NEK1: variants seen among roughly 807,000 people sequenced by gnomAD.
The protein encoded by NEK1 is NIMA related kinase 1.
A neutral mutation model predicts 182.1 loss-of-function variants in NEK1; 137 were observed. The observed-to-expected ratio is 0.75, with a 90% CI of 0.65 to 0.87. The LOEUF is 0.87. Among genes scored for constraint, NEK1 ranks in the 40% least tolerant of loss-of-function variants. NEK1 has a pLI of 0.00. For synonymous variants in NEK1, 513 were observed against 492.2 expected, an observed-to-expected ratio of 1.04 and a Z score of -0.56; for missense variants, 1,391 against 1,494.4, an observed-to-expected ratio of 0.93 and a Z score of 1.14.
At chr4:169,423,664 T>C (rs1191727499) in intron 31 of NEK1, among the ~76,000 whole-genome samples, 1 of 152,196 alleles carries the variant, frequency 6.6e-6, no homozygotes, top group Non-Finnish European at 1.5e-5. Flanking sequence ...TCAGGCAGTA[T>C]ACAATATAAC....
At chr4:169,590,001 G>A (rs897028571) in intron 6 of NEK1, among the ~76,000 whole-genome samples, 4 of 152,016 alleles carry the variant, frequency 2.6e-5, no homozygotes, top group African/African-American at 9.7e-5. Context: ...AAACCAAATA[G>A]TATGACTTAG....
chr4:169,471,729 GC>G (rs911364900), intron 26 of NEK1, among the ~76,000 whole-genome samples: 1 of 152,164 alleles, frequency 6.6e-6, no homozygotes, highest in Non-Finnish European at 1.5e-5. Flanking sequence ...GCCCACAGCT[GC>G]CCCTTCCCCC....
intron 18 of NEK1, among the ~76,000 whole-genome samples, chr4:169,539,451 T>C (rs976226411): frequency 5.9e-5 from 9 of 152,172 alleles, no homozygotes; most frequent in African/African-American, 2.4e-5. Context: ...CTGGTCAGAA[T>C]GCAACTTATT....
At chr4:169,545,516 T>C (rs1056379537) in intron 18 of NEK1, among the ~76,000 whole-genome samples, 3 of 150,142 alleles carry the variant, frequency 2.0e-5, no homozygotes, top group South Asian at 4.3e-4. Flanking sequence ...AACATATGTG[T>C]GCATGTGTCT....
chr4:169,499,690 C>T (rs1404183374), intron 23 of NEK1, among the ~76,000 whole-genome samples: 2 of 152,216 alleles, frequency 1.3e-5, no homozygotes, highest in Admixed American at 6.5e-5. Context: ...GCCTGGGTAT[C>T]AGCAGCGGAG....
chr4:169,500,737 T>C (rs1399448943), intron 23 of NEK1, among the ~76,000 whole-genome samples: 3 of 152,186 alleles, frequency 2.0e-5, no homozygotes, highest in Admixed American at 6.5e-5. Flanking sequence ...CACCAGCAGA[T>C]AGGCCCCACA....
intron 23 of NEK1, among the ~76,000 whole-genome samples, chr4:169,505,601 G>A (rs1017845290): frequency 2.0e-5 from 3 of 152,180 alleles, no homozygotes; most frequent in Non-Finnish European, 2.9e-5. Flanking sequence ...CTGTGCAAGG[G>A]GCCAATGCCC....
chr4:169,588,227 T>C (rs1767846006), intron 8 of NEK1, among the ~76,000 whole-genome samples: 1 of 152,112 alleles, frequency 6.6e-6, no homozygotes, highest in African/African-American at 2.4e-5. Flanking sequence ...TTACCTTGCC[T>C]CTCTCTGCTT....
chr4:169,408,476 T>C (rs973298131), intron 31 of NEK1, among the ~76,000 whole-genome samples: 15 of 152,014 alleles, frequency 9.9e-5, no homozygotes, highest in Admixed American at 2.6e-4. Flanking sequence ...ATACAAATGA[T>C]TTTTTTTATT....
At chr4:169,431,241 A>G (rs1737371978) in intron 29 of NEK1, among the ~76,000 whole-genome samples, 1 of 152,184 alleles carries the variant, frequency 6.6e-6, no homozygotes. Flanking sequence ...GATATTTTAT[A>G]ATGCTATAAT....
chr4:169,515,659 G>A lies in NEK1; in HGVS notation c.1666-6807C>T, dbSNP rs189466393. On this transcript the variant is annotated intron_variant, in intron 19 of 35. Transcript: ENST00000507142. Reference sequence around the variant, plus strand: ...CAATGCTATCCCTCCCCCCTCCCCCGACCCCACCACAGTCCCCAGAGTGTG... The same window carrying A: ...CAATGCTATCCCTCCCCCCTCCCCCAACCCCACCACAGTCCCCAGAGTGTG... Among the ~76,000 whole-genome samples, 20 of 94,284 alleles carry A rather than the reference G, an allele frequency of 2.1e-4. No homozygotes were observed. The East Asian group carries it at 3.1e-3, about 15-fold the overall frequency. The allele number at this position is 94,284 out of a possible 152,430, so 61.9% of individuals were successfully genotyped here.
intron 23 of NEK1, among the ~76,000 whole-genome samples, chr4:169,482,467 T>C (rs1323536061): frequency 4.0e-5 from 6 of 151,570 alleles, no homozygotes. Flanking sequence ...TAATTTTTCT[T>C]TCTTTCTTTC....
At chr4:169,574,661 A>G (rs1765414726) in intron 12 of NEK1, among the ~76,000 whole-genome samples, 1 of 152,026 alleles carries the variant, frequency 6.6e-6, no homozygotes, top group South Asian at 2.1e-4. Flanking sequence ...CTAACACAGA[A>G]GAGCAGTAGG....
At chr4:169,507,005 A>C (rs1753383861) in intron 23 of NEK1, 32 bp downstream of exon 23, 17 of 1,457,424 alleles carry the variant, frequency 1.2e-5, no homozygotes, top group Non-Finnish European at 1.6e-5. Flanking sequence ...ATGTTAATAC[A>C]ACCAGGATTA....
intron 12 of NEK1, among the ~76,000 whole-genome samples, chr4:169,574,400 C>T (rs1210223293): frequency 1.3e-5 from 2 of 152,000 alleles, no homozygotes; most frequent in East Asian, 1.9e-4. Flanking sequence ...TCGAGACCAT[C>T]CTGGCTAACA....
chr4:169,492,361 T>C (rs79559959), intron 23 of NEK1, among the ~76,000 whole-genome samples: 2,397 of 151,952 alleles, frequency 0.016, 32 homozygotes, highest in Non-Finnish European at 0.023. Context: ...GTGAAGAAGA[T>C]TGGGTGGAGA....
chr4:169,552,503 A>C (rs1167188320), intron 18 of NEK1, among the ~76,000 whole-genome samples: 1 of 152,158 alleles, frequency 6.6e-6, no homozygotes, highest in African/African-American at 2.4e-5. Flanking sequence ...TTTAATGGAA[A>C]CTTGAAGCTT....
At chr4:169,525,814 TAA>T (rs1341053599) in intron 19 of NEK1, among the ~76,000 whole-genome samples, 1 of 152,234 alleles carries the variant, frequency 6.6e-6, no homozygotes, top group Non-Finnish European at 1.5e-5. Flanking sequence ...ATATGCCATT[TAA>T]AAAGGAACAA....
chr4:169,461,185 C>T (rs1294502365), intron 27 of NEK1, among the ~76,000 whole-genome samples: 1 of 152,144 alleles, frequency 6.6e-6, no homozygotes, highest in Non-Finnish European at 1.5e-5. Context: ...CTTTCTACCA[C>T]ATGAAGCTAC....
Sources: gnomAD v4.1 joint callset for allele counts (sites outside exome capture counted in the v4.1 genomes callset) on GRCh38, gnomAD v4.1.1 for gene constraint, MANE v1.5 for transcripts, NCBI Gene and HGNC (gene_info 2026-07-23, HGNC 2026-07-21) for gene names.